Variants in TGFA observed in about 807,000 individuals in gnomAD.
TGFA encodes the protein transforming growth factor alpha.
In TGFA, 12 loss-of-function variants were observed where a neutral mutation model predicts 21.7. The observed-to-expected ratio is 0.55, with a 90% confidence interval of 0.35 to 0.90. The LOEUF (loss-of-function observed/expected upper bound fraction) is 0.90. Among genes scored for constraint, TGFA ranks in the 40% least tolerant of loss-of-function variants. The pLI is 0.01. For synonymous variants in TGFA, 79 were observed against 88.1 expected (o/e 0.90, Z 0.58); for missense variants, 178 against 210.8 (o/e 0.84, Z 0.96).
At chr2:70,451,027 C>T (rs1347650690) in intron 5 of TGFA, among the ~76,000 whole-genome samples, 161 bp from the exon 6 acceptor site, 1 of 152,198 alleles carries the variant, frequency 6.6e-6, no homozygotes, top group Non-Finnish European at 1.5e-5. Flanking sequence ...GTCTCAGGGA[C>T]CGCAACCTCT....
chr2:70,456,414 T>C lies in TGFA; in HGVS notation c.290A>G (p.Lys97Arg). ...CACCACCAAGGCGGTGATGGCCTGC[T>C]TCTTCTGGCTGGCAGCCACCACGGC... is the stretch of plus-strand genomic sequence containing the variant. Reference protein sequence around the residue: ...LLAVVAASQKKQAITALVVVS... With the variant: ...LLAVVAASQKRQAITALVVVS... The change falls in exon 4 of 6, where the codon AAG (lysine) becomes AGG (arginine). Residue 97 changes from lysine (K) to arginine (R), a missense_variant. By Grantham distance (26) the Lys-to-Arg change is conservative. Coordinates refer to ENST00000295400, the MANE Select transcript of TGFA (RefSeq NM_003236.4). 1 of 1,597,258 alleles carries C rather than the reference T, an allele frequency of 6.3e-7. No homozygotes were observed. Among genetic ancestry groups the C allele is most frequent in the Non-Finnish European group, 8.5e-7 (1 of 1,172,260 alleles).
intron 2 of TGFA, among the ~76,000 whole-genome samples, chr2:70,471,108 C>CAA (rs1670731952): frequency 7.5e-6 from 1 of 132,844 alleles, no homozygotes; most frequent in Non-Finnish European, 1.6e-5. Flanking sequence ...CTCCTCCCCG[C>CAA]ACCCCCCCCA....
At chr2:70,497,769 A>C (rs1287597417) in intron 2 of TGFA, among the ~76,000 whole-genome samples, 1 of 152,188 alleles carries the variant, frequency 6.6e-6, no homozygotes, top group Non-Finnish European at 1.5e-5. Flanking sequence ...GACCAGTAAG[A>C]ATCATTTTAC....
At chr2:70,553,134 G>A in intron 1 of TGFA, 1 of 1,528,476 alleles carries the variant, frequency 6.5e-7, no homozygotes. Flanking sequence ...ACTTCTCCCA[G>A]GGAAGTTAAT....
chr2:70,525,407 C>T (rs1553502848), intron 1 of TGFA, among the ~76,000 whole-genome samples: 1 of 152,182 alleles, frequency 6.6e-6, no homozygotes, highest in Non-Finnish European at 1.5e-5. Context: ...GGCCACAGGA[C>T]ACCCCTTAGG....
chr2:70,472,008 C>T (rs143735128), intron 2 of TGFA, among the ~76,000 whole-genome samples: 1 of 152,240 alleles, frequency 6.6e-6, no homozygotes, highest in Non-Finnish European at 1.5e-5. Context: ...TTCTCTCTCT[C>T]CCCCTATTTT....
intron 2 of TGFA, among the ~76,000 whole-genome samples, chr2:70,494,495 C>T (rs181581505): frequency 2.1e-4 from 32 of 152,304 alleles, no homozygotes; most frequent in Non-Finnish European, 4.3e-4. Flanking sequence ...TCCACCCATG[C>T]TTATTTCCTT....
intron 3 of TGFA, among the ~76,000 whole-genome samples, chr2:70,463,692 A>G (rs1553491782): frequency 6.6e-6 from 1 of 152,116 alleles, no homozygotes; most frequent in African/African-American, 2.4e-5. Context: ...GAGGCCCTGT[A>G]TGCTTGATTC....
Position 70,465,246 on chromosome 2 carries a change from A to G in TGFA, c.215+370T>C, listed in dbSNP as rs531886881. ...AGACCACATCTTAGAGACTTTGGCCACTCAAAGTTATCCATCCCAGTGCCT... is the reference window on the plus strand; with the variant it reads ...AGACCACATCTTAGAGACTTTGGCCGCTCAAAGTTATCCATCCCAGTGCCT... On this transcript the variant is annotated intron_variant, in intron 3 of 5. Coordinates refer to ENST00000295400, the MANE Select transcript of TGFA (RefSeq NM_003236.4). Among the ~76,000 whole-genome samples, 4 of 152,282 alleles carry G rather than the reference A, an allele frequency of 2.6e-5. No individual in the cohort carries two copies. The South Asian group carries it at 8.3e-4, about 32-fold the overall frequency.
At chr2:70,540,216 T>C (rs1183196652) in intron 1 of TGFA, among the ~76,000 whole-genome samples, 2 of 152,192 alleles carry the variant, frequency 1.3e-5, no homozygotes, top group Non-Finnish European at 2.9e-5. Flanking sequence ...TTATGAGGGT[T>C]AGAAGTGATG....
chr2:70,450,777 A>T lies in TGFA; in HGVS notation c.*82T>A. 2.6e-6 allele frequency: 4 copies of T among 1,520,280 alleles called. No homozygotes were observed. The highest frequency in any genetic ancestry group is 3.6e-6 in the Non-Finnish European group (4 of 1,108,990). The allele number at this position is 1,520,280 out of a possible 1,614,324, so 94.2% of individuals were successfully genotyped here. ...AGGAAGGTCTGTGGCACACCCAGGC[A>T]TCTCTGGCAGTGCTGTCCTGAAGAA... On this transcript the variant is annotated 3_prime_UTR_variant, in exon 6 of 6. Transcript: ENST00000295400.
intron 1 of TGFA, among the ~76,000 whole-genome samples, chr2:70,521,077 T>A (rs868962276): frequency 3.1e-4 from 47 of 151,378 alleles, no homozygotes; most frequent in African/African-American, 1.0e-3. Flanking sequence ...GTTGTTAGAC[T>A]GGTTTTCTTG....
chr2:70,541,954 T>C (rs1243861802), intron 1 of TGFA, among the ~76,000 whole-genome samples: 1 of 152,168 alleles, frequency 6.6e-6, no homozygotes, highest in African/African-American at 2.4e-5. Context: ...ACCGGCCTGA[T>C]GATGCGATCC....
intron 1 of TGFA, among the ~76,000 whole-genome samples, chr2:70,541,607 T>C (rs1262416399): frequency 3.3e-5 from 5 of 152,224 alleles, no homozygotes; most frequent in Non-Finnish European, 7.4e-5. Flanking sequence ...CACAGGGAGA[T>C]GGCAGCAGAG....
chr2:70,468,501 C>T (rs1670639333), intron 2 of TGFA: 1 of 152,264 alleles, frequency 6.6e-6, no homozygotes, highest in Non-Finnish European at 1.5e-5. Context: ...GCTCACTGAA[C>T]TTGTCAAGGA....
chr2:70,553,001 G>C (rs1281221387), intron 1 of TGFA, among the ~76,000 whole-genome samples: 6 of 152,182 alleles, frequency 3.9e-5, no homozygotes, highest in African/African-American at 9.7e-5. Flanking sequence ...GACCCGACCC[G>C]GGAGAGGGGT....
chr2:70,549,883 A>C (rs908378739), intron 1 of TGFA, among the ~76,000 whole-genome samples: 5 of 152,236 alleles, frequency 3.3e-5, no homozygotes, highest in Admixed American at 1.3e-4. Context: ...TGGAAAAGCA[A>C]ATATGGAAAA....
At chr2:70,496,732 C>A (rs1553498396) in intron 2 of TGFA, among the ~76,000 whole-genome samples, 1 of 152,190 alleles carries the variant, frequency 6.6e-6, no homozygotes, top group Non-Finnish European at 1.5e-5. Flanking sequence ...CATTCATTTA[C>A]TCACTCAACA....
chr2:70,490,176 T>C (rs1478843076), intron 2 of TGFA, among the ~76,000 whole-genome samples: 2 of 152,142 alleles, frequency 1.3e-5, no homozygotes, highest in African/African-American at 4.8e-5. Context: ...CATAGAAAGT[T>C]TATAAACAAC....
Sources: allele counts gnomAD v4.1 joint callset (sites outside exome capture counted in the v4.1 genomes callset), GRCh38; gene constraint gnomAD v4.1.1; transcripts MANE v1.5; gene names NCBI Gene and HGNC (gene_info 2026-07-23, HGNC 2026-07-21).